ALK: variants seen among roughly 807,000 people sequenced by gnomAD.
ALK encodes ALK tyrosine kinase receptor.
A neutral mutation model predicts 163.1 loss-of-function variants in ALK; 74 were observed. That is an observed-to-expected ratio of 0.45 (90% CI 0.38 to 0.55). ALK has a LOEUF of 0.55. ALK is among the 20% of genes least tolerant of loss of function. ALK has a pLI of 0.00. For synonymous variants in ALK, 960 were observed against 843.2 expected, an observed-to-expected ratio of 1.14 and a Z score of -2.40; for missense variants, 2,063 against 2,105.3, an observed-to-expected ratio of 0.98 and a Z score of 0.39.
intron 9 of ALK, among the ~76,000 whole-genome samples, chr2:29,287,109 A>G (rs1384519304): frequency 5.3e-5 from 8 of 152,196 alleles, no homozygotes; most frequent in Non-Finnish European, 1.2e-4. Flanking sequence ...AAACTCATCC[A>G]CAGAACCTTG....
At chr2:29,767,915 C>G (rs906966849) in intron 1 of ALK, among the ~76,000 whole-genome samples, 1 of 152,204 alleles carries the variant, frequency 6.6e-6, no homozygotes, top group Non-Finnish European at 1.5e-5. Flanking sequence ...TAGCCCCAGT[C>G]TGGGGAAGTC....
intron 5 of ALK, among the ~76,000 whole-genome samples, chr2:29,370,171 G>C (rs2148292470): frequency 6.6e-6 from 1 of 152,302 alleles, no homozygotes; most frequent in Admixed American, 6.5e-5. Flanking sequence ...TGTAGTTCAA[G>C]AAATTTTGCA....
At chr2:29,534,945 A>T (rs1376752479) in intron 3 of ALK, among the ~76,000 whole-genome samples, 1 of 152,112 alleles carries the variant, frequency 6.6e-6, no homozygotes, top group Non-Finnish European at 1.5e-5. Context: ...GCTTATTTTC[A>T]CTCTCAATGG....
At chr2:29,726,965 T>C (rs1262783912) in intron 1 of ALK, among the ~76,000 whole-genome samples, 1 of 152,192 alleles carries the variant, frequency 6.6e-6, no homozygotes, top group Admixed American at 6.5e-5. Context: ...ACAAATCCCT[T>C]GCAGGTGATG....
chr2:29,235,348 C>T (rs1004597649), intron 13 of ALK, among the ~76,000 whole-genome samples: 13 of 152,210 alleles, frequency 8.5e-5, no homozygotes, highest in African/African-American at 2.2e-4. Flanking sequence ...TACGCTAAAG[C>T]GCTCAGGGGT....
chr2:29,848,747 G>A (rs1469733406), intron 1 of ALK, among the ~76,000 whole-genome samples: 2 of 152,148 alleles, frequency 1.3e-5, no homozygotes, highest in Non-Finnish European at 2.9e-5. Flanking sequence ...GCTAGGTGAA[G>A]GTCTTGAGCA....
At chr2:29,544,923 G>T (rs1673514711) in intron 3 of ALK, among the ~76,000 whole-genome samples, 2 of 152,140 alleles carry the variant, frequency 1.3e-5, no homozygotes, top group Admixed American at 1.3e-4. Flanking sequence ...CTTGCCCAAG[G>T]TCACACAGCA....
At position 29,608,572 on chromosome 2, in the gene ALK, C is replaced by T. The variant is rs1056272544; in HGVS notation, c.953-76456G>A. Among the ~76,000 whole-genome samples, 5 of 152,172 alleles carry T rather than the reference C, an allele frequency of 3.3e-5. No homozygotes were observed. The East Asian group carries it at 5.8e-4, about 18-fold the overall frequency. ...CTAAGTTCCAGGCACTGTAATGAAC[C>T]GTGTGGACATAGGCGCCATTTCTGC... On this transcript the variant is annotated intron_variant, in intron 3 of 28. Coordinates refer to ENST00000389048, the MANE Select transcript of ALK (RefSeq NM_004304.5).
At chr2:29,594,631 GTTGGTCA>G (rs1675150766) in intron 3 of ALK, among the ~76,000 whole-genome samples, 1 of 151,850 alleles carries the variant, frequency 6.6e-6, no homozygotes, top group Admixed American at 6.6e-5. Flanking sequence ...GTTTCACCAT[GTTGGTCA>G]GGCTGGTCTC....
chr2:29,671,626 C>A (rs1208955215), intron 3 of ALK, among the ~76,000 whole-genome samples: 1 of 151,968 alleles, frequency 6.6e-6, no homozygotes, highest in Non-Finnish European at 1.5e-5. Flanking sequence ...TTTCTATGAA[C>A]TTGTTGCCAG....
intron 1 of ALK, among the ~76,000 whole-genome samples, chr2:29,846,810 C>A (rs1241907413): frequency 6.6e-6 from 1 of 152,204 alleles, no homozygotes; most frequent in African/African-American, 2.4e-5. Flanking sequence ...CTTTTACATA[C>A]ATCTTTTGAT....
chr2:29,277,158 A>T (rs1014964279), intron 9 of ALK, among the ~76,000 whole-genome samples: 1 of 152,190 alleles, frequency 6.6e-6, no homozygotes, highest in African/African-American at 2.4e-5. Context: ...AAGAAATGGG[A>T]TGTCAACAGT....
intron 4 of ALK, among the ~76,000 whole-genome samples, chr2:29,411,669 T>C (rs1394922923): frequency 2.0e-5 from 3 of 152,314 alleles, no homozygotes; most frequent in Non-Finnish European, 4.4e-5. Context: ...TGGGAGTTCT[T>C]CTTTTCCTTC....
At chr2:29,215,907 T>G (rs768235435) in intron 23 of ALK, among the ~76,000 whole-genome samples, 11 of 152,148 alleles carry the variant, frequency 7.2e-5, no homozygotes, top group Non-Finnish European at 1.2e-4. Flanking sequence ...TCGGTCTCCC[T>G]GGGTTGTCAG....
intron 2 of ALK, among the ~76,000 whole-genome samples, chr2:29,709,652 A>G (rs1195986082): frequency 6.6e-6 from 1 of 152,132 alleles, no homozygotes; most frequent in Non-Finnish European, 1.5e-5. Flanking sequence ...TTTCTCCATG[A>G]GAATATGGGG....
intron 3 of ALK, among the ~76,000 whole-genome samples, chr2:29,692,943 G>A (rs1678445255): frequency 6.6e-6 from 1 of 152,182 alleles, no homozygotes; most frequent in Non-Finnish European, 1.5e-5. Flanking sequence ...GTATCAAAGT[G>A]AACAGATCAA....
At chr2:29,555,738 G>A (rs1199292378) in intron 3 of ALK, among the ~76,000 whole-genome samples, 1 of 152,206 alleles carries the variant, frequency 6.6e-6, no homozygotes. Context: ...ATGGCTGCAG[G>A]TAGTGATGGT....
intron 1 of ALK, among the ~76,000 whole-genome samples, chr2:29,903,511 G>C (rs924010728): frequency 6.6e-6 from 1 of 152,094 alleles, no homozygotes; most frequent in African/African-American, 2.4e-5. Context: ...ATAAGGAAGA[G>C]AAAATAGTTT....
At chr2:29,436,774 C>G (rs564646361) in intron 4 of ALK, among the ~76,000 whole-genome samples, 10 of 152,300 alleles carry the variant, frequency 6.6e-5, no homozygotes, top group African/African-American at 2.4e-4. Flanking sequence ...TTCTTTAAAC[C>G]TGCTTGATTA....
Sources: allele counts gnomAD v4.1 joint callset (sites outside exome capture counted in the v4.1 genomes callset), GRCh38; gene constraint gnomAD v4.1.1; transcripts MANE v1.5; gene names NCBI Gene and HGNC (gene_info 2026-07-23, HGNC 2026-07-21).